PAPSS1: variants seen among roughly 807,000 people sequenced by gnomAD.
PAPSS1 encodes the protein bifunctional 3'-phosphoadenosine 5'-phosphosulfate synthase 1.
PAPSS1 carries 50 observed loss-of-function variants against 72.0 expected under a neutral mutation model. The ratio of observed to expected loss-of-function variants is 0.69; its 90% CI spans 0.55 to 0.88. The LOEUF is 0.88. PAPSS1 is among the 40% of genes least tolerant of loss of function. PAPSS1 has a pLI of 0.00. For synonymous variants in PAPSS1, 261 were observed against 263.6 expected (o/e 0.99, Z 0.09); for missense variants, 657 against 782.2 (o/e 0.84, Z 1.91).
chr4:107,717,532 T>TAC (rs1379279940), intron 1 of PAPSS1, among the ~76,000 whole-genome samples: 5 of 152,206 alleles, frequency 3.3e-5, no homozygotes, highest in African/African-American at 1.2e-4. Flanking sequence ...AACCAAAAGT[T>TAC]ACATAGTTAA....
intron 5 of PAPSS1, among the ~76,000 whole-genome samples, chr4:107,670,441 C>A (rs1476504543): frequency 6.6e-6 from 1 of 152,076 alleles, no homozygotes; most frequent in African/African-American, 2.4e-5. Flanking sequence ...TTCATAAGGA[C>A]AATAAATAAG....
intron 9 of PAPSS1, among the ~76,000 whole-genome samples, chr4:107,649,275 C>T (rs1318967475): frequency 1.3e-5 from 2 of 152,236 alleles, no homozygotes; most frequent in East Asian, 1.9e-4. Flanking sequence ...TCTGCCTCAG[C>T]GCGTGATTCT....
chr4:107,655,662 T>A (rs920256878), intron 7 of PAPSS1, among the ~76,000 whole-genome samples: 4 of 152,218 alleles, frequency 2.6e-5, no homozygotes, highest in Non-Finnish European at 4.4e-5. Flanking sequence ...TTTTTGGACA[T>A]CATGGCATAT....
Position 107,615,737 on chromosome 4 carries a change from AC to A in PAPSS1, c.1737-1351del, listed in dbSNP as rs1725802911. On this transcript the variant is annotated intron_variant, in intron 11 of 11. Transcript: ENST00000265174. ...AAATAACCAGGACACAAAACTATAT[AC>A]AAACATTGCTATGAACTTATAGGTA... 3.3e-5 allele frequency among the ~76,000 whole-genome samples: 5 copies of A among 152,340 alleles called. No homozygotes were observed. The South Asian group carries it at 1.0e-3, about 32-fold the overall frequency.
intron 10 of PAPSS1, among the ~76,000 whole-genome samples, chr4:107,639,589 T>C (rs1210748081): frequency 6.6e-6 from 1 of 152,188 alleles, no homozygotes; most frequent in Non-Finnish European, 1.5e-5. Flanking sequence ...GAAAAGAGAC[T>C]GTGAACTGTG....
At chr4:107,665,441 G>C (rs1171524209) in intron 5 of PAPSS1, among the ~76,000 whole-genome samples, 1 of 152,160 alleles carries the variant, frequency 6.6e-6, no homozygotes, top group East Asian at 1.9e-4. Flanking sequence ...GAAACAACGT[G>C]CTCTTCTTCA....
chr4:107,674,910 G>A (rs1467498423), intron 5 of PAPSS1, among the ~76,000 whole-genome samples: 1 of 152,162 alleles, frequency 6.6e-6, no homozygotes, highest in Non-Finnish European at 1.5e-5. Flanking sequence ...CATGGAAACT[G>A]AACAACCTGC....
At chr4:107,688,013 T>C (rs1051507668) in intron 3 of PAPSS1, among the ~76,000 whole-genome samples, 1 of 151,308 alleles carries the variant, frequency 6.6e-6, no homozygotes, top group Non-Finnish European at 1.5e-5. Context: ...GAATAAGCTC[T>C]CAATCTCTTC....
chr4:107,675,935 A>T (rs1198976671), intron 5 of PAPSS1, among the ~76,000 whole-genome samples: 1 of 152,226 alleles, frequency 6.6e-6, no homozygotes, highest in Admixed American at 6.5e-5. Context: ...GACAAAAACC[A>T]TATGATTCTC....
chr4:107,710,720 CTTAAA>C (rs1331527827), intron 1 of PAPSS1, among the ~76,000 whole-genome samples: 1 of 152,196 alleles, frequency 6.6e-6, no homozygotes, highest in Non-Finnish European at 1.5e-5. Flanking sequence ...GGGTCAACAG[CTTAAA>C]TCTCTCTCTC....
intron 5 of PAPSS1, among the ~76,000 whole-genome samples, chr4:107,675,988 G>A (rs190657047): frequency 1.5e-4 from 23 of 152,030 alleles, no homozygotes; most frequent in African/African-American, 4.6e-4. Context: ...TCAACAATGC[G>A]TCACGCTAAA....
chr4:107,694,018 C>T lies in PAPSS1; in HGVS notation c.176-12G>A. ...CGCTCCAGACAAGCCTAAAATTAAA[C>T]AGTCCAAACAGATTCCATGTGTAAA... On this transcript the variant is annotated splice_polypyrimidine_tract_variant and intron_variant, in intron 2 of 11. Transcript: ENST00000265174. The T allele has an allele frequency of 6.5e-7, 1 of 1,539,924 alleles. No individual in the cohort carries two copies. The highest frequency in any genetic ancestry group is 9.0e-7 in the Non-Finnish European group (1 of 1,115,762).
chr4:107,688,825 A>G (rs1722849473), intron 3 of PAPSS1, among the ~76,000 whole-genome samples: 2 of 152,168 alleles, frequency 1.3e-5, no homozygotes, highest in South Asian at 4.1e-4. Flanking sequence ...TCCTATGTCC[A>G]CCTGGATATA....
intron 1 of PAPSS1, among the ~76,000 whole-genome samples, chr4:107,703,128 T>C (rs1183425832): frequency 6.6e-6 from 1 of 152,206 alleles, no homozygotes; most frequent in African/African-American, 2.4e-5. Flanking sequence ...AGTTGAGCCT[T>C]TTTTCATATA....
At chr4:107,622,920 G>A (rs1450214502) in intron 11 of PAPSS1, among the ~76,000 whole-genome samples, 1 of 152,200 alleles carries the variant, frequency 6.6e-6, no homozygotes, top group Non-Finnish European at 1.5e-5. Flanking sequence ...TTGAAATGGG[G>A]GAGGTGAGTA....
intron 5 of PAPSS1, among the ~76,000 whole-genome samples, chr4:107,664,012 G>A (rs904102383): frequency 2.6e-5 from 4 of 152,158 alleles, no homozygotes; most frequent in African/African-American, 9.7e-5. Flanking sequence ...CATTTCAGTT[G>A]AGCCTAAATA....
chr4:107,654,614 T>C, intron 8 of PAPSS1, 81 bp downstream of exon 8: 1 of 1,101,986 alleles, frequency 9.1e-7, no homozygotes, highest in Non-Finnish European at 1.4e-6. Context: ...CAATGAAAAG[T>C]CAATACACAG....
At chr4:107,634,378 CA>C (rs1366027956) in intron 10 of PAPSS1, among the ~76,000 whole-genome samples, 1 of 152,086 alleles carries the variant, frequency 6.6e-6, no homozygotes, top group Non-Finnish European at 1.5e-5. Flanking sequence ...GCAATTAATT[CA>C]GGGGCTAATG....
intron 4 of PAPSS1, among the ~76,000 whole-genome samples, chr4:107,684,911 AT>A (rs879356976): frequency 1.4e-3 from 203 of 146,474 alleles, no homozygotes; most frequent in Non-Finnish European, 1.4e-3. Flanking sequence ...CTCTTCAAAA[AT>A]TTTTTTTTTT....
Sources: gnomAD v4.1 joint callset for allele counts (sites outside exome capture counted in the v4.1 genomes callset) on GRCh38, gnomAD v4.1.1 for gene constraint, MANE v1.5 for transcripts, NCBI Gene and HGNC (gene_info 2026-07-23, HGNC 2026-07-21) for gene names.